Variants in FBXW5 observed in about 807,000 individuals in gnomAD.
The protein encoded by FBXW5 is F-box/WD repeat-containing protein 5.
A neutral mutation model predicts 50.9 loss-of-function variants in FBXW5; 74 were observed. The observed-to-expected ratio is 1.45, with a 90% confidence interval of 1.20 to 1.76. FBXW5 has a LOEUF of 1.76. Ranked by LOEUF, FBXW5 falls within the 40% of genes most tolerant of loss-of-function variation. The pLI is 0.00. For missense variants in FBXW5, 1,073 were observed against 818.8 expected (o/e 1.31, Z -3.79); for synonymous variants, 523 against 362.2 (o/e 1.44, Z -5.04).
chr9:136,943,582 C>A, intron 2 of FBXW5, 76 bp from the exon 3 acceptor site: 1 of 1,517,294 alleles, frequency 6.6e-7, no homozygotes. Flanking sequence ...GTGGCCCCAG[C>A]AGTCCTGGCA....
intron 3 of FBXW5, among the ~76,000 whole-genome samples, 189 bp downstream of exon 3, chr9:136,943,160 A>G (rs1199091986): frequency 6.6e-6 from 1 of 151,992 alleles, no homozygotes; most frequent in Non-Finnish European, 1.5e-5. Flanking sequence ...CCCTCTCCTC[A>G]GCACTCAGGG....
chr9:136,941,598 G>A lies in FBXW5; in HGVS notation c.1183C>T (p.Leu395=), dbSNP rs1403543342. The A allele has an allele frequency of 6.2e-7, 1 of 1,603,740 alleles. No individual in the cohort carries two copies. Among genetic ancestry groups the A allele is most frequent in the East Asian group, 2.3e-5 (1 of 44,240 alleles). Residue 395 remains leucine, a synonymous_variant, in exon 7 of 9, where the codon CTG becomes TTG. Transcript: ENST00000325285. ...CCGTGTATGTCTATGACGTGGTCCA[G>A]CGCGTCGAAGAAGGCATCGGAGCCC... is the stretch of plus-strand genomic sequence containing the variant. ...GRGSDAFFDA[L]DHVIDIHGHI...
Position 136,944,708 on chromosome 9 carries a change from C to CGCCACGAGCCCCGAG in FBXW5, c.-153_-139dup, listed in dbSNP as rs1850970953. The CGCCACGAGCCCCGAG allele has an allele frequency of 5.1e-6, 5 of 985,658 alleles. No homozygotes were observed. Among genetic ancestry groups the CGCCACGAGCCCCGAG allele is most frequent in the African/African-American group, 3.5e-5 (2 of 57,242 alleles). The allele number at this position is 985,658 out of a possible 1,614,324, so 61.1% of individuals were successfully genotyped here. A position where few individuals can be genotyped will look rare whatever the true frequency, so the allele number is the denominator to read the frequency against. On this transcript the variant is annotated 5_prime_UTR_variant, in exon 1 of 9. Transcript: ENST00000325285. Reference sequence around the variant, plus strand: ...CCAACGGGGAGCCCGCCAGGCCCGACGCCACGAGCCCCGAGGCATCGATGG... The same window carrying CGCCACGAGCCCCGAG: ...CCAACGGGGAGCCCGCCAGGCCCGACGCCACGAGCCCCGAGGCCACGAGCCCCGAGGCATCGATGG...
In FBXW5 at chr9:136,941,197, G is replaced by A. The variant is rs149358178; in HGVS notation, c.1458-26C>T. On this transcript the variant is annotated intron_variant, in intron 8 of 8. Transcript: ENST00000325285. Reference sequence around the variant, plus strand: ...CTGCAGAACAGCGCCTGGGTGAGCCGGCCGCCCGCCCGCTGCTGCCCACAC... The same window carrying A: ...CTGCAGAACAGCGCCTGGGTGAGCCAGCCGCCCGCCCGCTGCTGCCCACAC... 3.9e-3 allele frequency: 6,286 copies of A among 1,597,390 alleles called. 18 individuals are homozygous for A. Among genetic ancestry groups the A allele is most frequent in the Non-Finnish European group, 4.8e-3 (5,632 of 1,175,350 alleles).
At chr9:136,943,104 A>T (rs984481748) in intron 3 of FBXW5, 161 bp from the exon 4 acceptor site, 2 of 1,218,810 alleles carry the variant, frequency 1.6e-6, no homozygotes, top group African/African-American at 1.5e-5. Flanking sequence ...GGGCATTGGT[A>T]TAGAGCGGAG....
rs1261958778 is a variant in FBXW5 at position 136,941,536 on chromosome 9, C to T, written c.1244+1G>A. 4.3e-6 allele frequency: 7 copies of T among 1,609,796 alleles called. No homozygotes were observed. The highest frequency in any genetic ancestry group is 4.5e-5 in the East Asian group (2 of 44,878). On this transcript the variant is annotated splice_donor_variant, in intron 7 of 8. Coordinates refer to ENST00000325285, the MANE Select transcript of FBXW5 (RefSeq NM_018998.4). LOFTEE classifies it high-confidence loss of function. The stretch of plus-strand genomic sequence containing the variant: ...GCCTGGGACACTGGCAAGAGGCCCA[C>T]CTGTTGTCGGGCGACAGGCCCATGC...
chr9:136,942,519 G>A, intron 5 of FBXW5, 28 bp downstream of exon 5: 1 of 1,601,014 alleles, frequency 6.2e-7, no homozygotes, highest in South Asian at 1.1e-5. Context: ...CCCCAGGAGG[G>A]CAGCCCCGCC....
In FBXW5 at chr9:136,942,848, G is replaced by A. The variant is rs139022111; in HGVS notation, c.447C>T (p.Asp149=). ...SYTQFSQFNK[D]DSLLLASGVF... ...CCCCCGAGGCCAGCAGTAGCGAGTCGTCCTTGTTGAACTGGGAGAACTGGG... is the reference window on the plus strand; with the variant it reads ...CCCCCGAGGCCAGCAGTAGCGAGTCATCCTTGTTGAACTGGGAGAACTGGG... Residue 149 remains aspartate, a synonymous_variant, in exon 4 of 9, where the codon GAC becomes GAT. Coordinates refer to ENST00000325285, the MANE Select transcript of FBXW5 (RefSeq NM_018998.4). The A allele has an allele frequency of 2.2e-5, 35 of 1,613,412 alleles. No individual in the cohort carries two copies. In the African/African-American group the frequency reaches 3.3e-4, roughly 15 times the overall value.
At position 136,944,614 on chromosome 9, in the gene FBXW5, GCGC is replaced by G; in HGVS notation, c.-47_-45del. 1.0e-6 allele frequency: 1 copy of G among 984,160 alleles called. No individual in the cohort carries two copies. Among genetic ancestry groups the G allele is most frequent in the Middle Eastern group, 5.3e-4 (1 of 1,902 alleles). 61.0% of individuals were successfully genotyped at this position (984,160 alleles called of 1,614,324 possible). ...CTCACCACGGCCGCCTCCGCCCGCT[GCGC>G]CGCCCCCGCCCTGCGCGACCCGGAC... On this transcript the variant is annotated 5_prime_UTR_variant, in exon 1 of 9. Transcript: ENST00000325285.
chr9:136,943,346 C>G lies in FBXW5; in HGVS notation c.351+3G>C. 6.2e-7 allele frequency: 1 copy of G among 1,609,670 alleles called. No homozygotes were observed. Among genetic ancestry groups the G allele is most frequent in the African/African-American group, 1.3e-5 (1 of 74,918 alleles). On this transcript the variant is annotated splice_donor_region_variant and intron_variant, in intron 3 of 8. Transcript: ENST00000325285. ...GGTGTGCAGGACACCTGGCCGTCCT[C>G]ACCTTCACAGTGCAGTCCTTGGAGC...
Position 136,940,926 on chromosome 9 carries a change from C to T in FBXW5, c.*2G>A, listed in dbSNP as rs1050750899. 1.3e-6 allele frequency: 2 copies of T among 1,576,832 alleles called. No individual in the cohort carries two copies. The highest frequency in any genetic ancestry group is 1.3e-5 in the African/African-American group (1 of 74,188). ...CGGTGGCTCCAGTGCACCCAGCACA[C>T]CTCAGCGCCTCTGGCTGGCAAGCCA... On this transcript the variant is annotated 3_prime_UTR_variant, in exon 9 of 9. Coordinates refer to ENST00000325285, the MANE Select transcript of FBXW5 (RefSeq NM_018998.4).
In FBXW5 at chr9:136,941,525, C is replaced by T; in HGVS notation, c.1244+12G>A. The T allele has an allele frequency of 1.2e-6, 2 of 1,608,932 alleles. No homozygotes were observed. The highest frequency in any genetic ancestry group is 8.5e-7 in the Non-Finnish European group (1 of 1,179,250). On this transcript the variant is annotated intron_variant, in intron 7 of 8. Coordinates refer to ENST00000325285, the MANE Select transcript of FBXW5 (RefSeq NM_018998.4). ...GCGGGCACCCCGCCTGGGACACTGG[C>T]AAGAGGCCCACCTGTTGTCGGGCGA...
At position 136,942,370 on chromosome 9, in the gene FBXW5, T is replaced by C. The variant is rs777579660; in HGVS notation, c.772A>G (p.Ser258Gly). 10 of 1,610,786 alleles carry C rather than the reference T, an allele frequency of 6.2e-6. No individual in the cohort carries two copies. The Admixed American group carries it at 1.2e-4, about 19-fold the overall frequency. ...AGCAGGTCAGGGCTGTCGAAGCGGCTGCAGTCGGCCACCATCACCGTGCGG... is the reference window on the plus strand; with the variant it reads ...AGCAGGTCAGGGCTGTCGAAGCGGCCGCAGTCGGCCACCATCACCGTGCGG... Reference protein sequence around the residue: ...TVRTVMVADCSRFDSPDLLLE... With the variant: ...TVRTVMVADCGRFDSPDLLLE... The change falls in exon 6 of 9, where the codon AGC becomes GGC. Residue 258 changes from serine (S) to glycine (G), a missense_variant. Ser to Gly is a moderately conservative substitution (Grantham distance 56). Coordinates refer to ENST00000325285, the MANE Select transcript of FBXW5 (RefSeq NM_018998.4).
rs1564433035 is a variant in FBXW5, at chr9:136,941,519, C to T, written c.1244+18G>A. 3 of 1,606,902 alleles carry T rather than the reference C, an allele frequency of 1.9e-6. No homozygotes were observed. The highest frequency in any genetic ancestry group is 1.7e-5 in the Admixed American group (1 of 59,930). ...CCGCCTGCGGGCACCCCGCCTGGGA[C>T]ACTGGCAAGAGGCCCACCTGTTGTC... On this transcript the variant is annotated intron_variant, in intron 7 of 8. Coordinates refer to ENST00000325285, the MANE Select transcript of FBXW5 (RefSeq NM_018998.4).
Position 136,941,568 on chromosome 9 carries a change from TGTGTCC to T in FBXW5, c.1207_1212del (p.Gly403_His404del). ...TCGGGCGACAGGCCCATGCCGATGA[TGTGTCC>T]GTGTATGTCTATGACGTGGTCCAGC... On this transcript the variant is annotated inframe_deletion, in exon 7 of 9. Coordinates refer to ENST00000325285, the MANE Select transcript of FBXW5 (RefSeq NM_018998.4). 1 of 1,610,030 alleles carries T rather than the reference TGTGTCC, an allele frequency of 6.2e-7. No individual in the cohort carries two copies. The highest frequency in any genetic ancestry group is 1.4e-5 in the African/African-American group (1 of 74,006).
rs999669605 is a variant in FBXW5 at position 136,941,575 on chromosome 9, G to A, written c.1206C>T (p.His402=). 18 of 1,609,686 alleles carry A rather than the reference G, an allele frequency of 1.1e-5. No individual in the cohort carries two copies. The highest frequency in any genetic ancestry group is 1.7e-5 in the Admixed American group (1 of 59,772). ...ACAGGCCCATGCCGATGATGTGTCC[G>A]TGTATGTCTATGACGTGGTCCAGCG... ...FDALDHVIDI[H]GHIIGMGLSP... Residue 402 remains histidine, a synonymous_variant, in exon 7 of 9, where the codon CAC becomes CAT. Transcript: ENST00000325285.
rs1326952590 is a variant in FBXW5 at position 136,943,400 on chromosome 9, G to A, written c.300C>T (p.Phe100=). 2.5e-6 allele frequency: 4 copies of A among 1,612,926 alleles called. No homozygotes were observed. Among genetic ancestry groups the A allele is most frequent in the Non-Finnish European group, 8.5e-7 (1 of 1,179,968 alleles). Residue 100 remains phenylalanine, a synonymous_variant, in exon 3 of 9, where the codon TTC becomes TTT. Coordinates refer to ENST00000325285, the MANE Select transcript of FBXW5 (RefSeq NM_018998.4). ...EHTDQVLHLS[F]SHSGYQFASC... ...ACGCGAACTGGTACCCGGAATGGGA[G>A]AAGCTGAGGTGCAGGACCTGGTCTG...
At chr9:136,943,583 A>C in intron 2 of FBXW5, 77 bp from the exon 3 acceptor site, 2 of 1,518,228 alleles carry the variant, frequency 1.3e-6, no homozygotes, top group Non-Finnish European at 1.8e-6. Flanking sequence ...TGGCCCCAGC[A>C]GTCCTGGCAG....
At chr9:136,941,501 CG>C in intron 7 of FBXW5, 35 bp downstream of exon 7, 1 of 1,605,244 alleles carries the variant, frequency 6.2e-7, no homozygotes. Flanking sequence ...GGGCCGCCTG[CG>C]GGCACCCCGC....
Sources: allele counts gnomAD v4.1 joint callset (sites outside exome capture counted in the v4.1 genomes callset), GRCh38; gene constraint gnomAD v4.1.1; transcripts MANE v1.5; gene names NCBI Gene and HGNC (gene_info 2026-07-23, HGNC 2026-07-21).